The following MCPH1 variants were observed in gnomAD, a reference collection of about 807,000 sequenced individuals.
The protein encoded by MCPH1 is microcephalin 1.
MCPH1 carries 104 observed loss-of-function variants against 84.5 expected under a neutral mutation model. The observed-to-expected ratio is 1.23, with a 90% CI of 1.05 to 1.45. MCPH1 has a LOEUF of 1.45. Ranked by LOEUF, MCPH1 falls within the 40% of genes most tolerant of loss-of-function variation. The pLI, the probability that MCPH1 is intolerant of heterozygous loss-of-function variation, is 0.00. For synonymous variants in MCPH1, 514 were observed against 366.8 expected (o/e 1.40, Z -4.58); for missense variants, 1,498 against 1,005.7 (o/e 1.49, Z -6.62).
intron 12 of MCPH1, among the ~76,000 whole-genome samples, chr8:6,516,940 G>T (rs760621700): frequency 2.0e-5 from 3 of 152,056 alleles, no homozygotes; most frequent in Admixed American, 2.0e-4. Context: ...ATGAGTATTC[G>T]CTTTGATTCC....
chr8:6,414,759 C>T lies in MCPH1; in HGVS notation c.115-6C>T, dbSNP rs368712550. On this transcript the variant is annotated splice_region_variant and splice_polypyrimidine_tract_variant and intron_variant, in intron 2 of 13. Transcript: ENST00000344683. ...GTACATTTTGTTTTCTGCATTTTGT[C>T]TACAGGTTTCAAAAACTTTTAACAA... 1.2e-6 allele frequency: 2 copies of T among 1,613,236 alleles called. No homozygotes were observed. Among genetic ancestry groups the T allele is most frequent in the East Asian group, 4.5e-5 (2 of 44,840 alleles).
rs1239443388 is a variant in MCPH1, at chr8:6,505,585, TTTTG to T, written c.2214+5658_2214+5661del. 2.9e-3 allele frequency among the ~76,000 whole-genome samples: 355 copies of T among 120,780 alleles called. 3 individuals are homozygous for T. Among genetic ancestry groups the T allele is most frequent in the African/African-American group, 0.01 (323 of 32,282 alleles). 79.2% of individuals were successfully genotyped at this position (120,780 alleles called of 152,430 possible). A position where few individuals can be genotyped will look rare whatever the true frequency, so the allele number is the denominator to read the frequency against. The stretch of plus-strand genomic sequence containing the variant: ...TATGTATATATAGAATGTATATTCT[TTTTG>T]TATATATGGAATATATATATTCTTT... On this transcript the variant is annotated intron_variant, in intron 12 of 13. Coordinates refer to ENST00000344683, the MANE Select transcript of MCPH1 (RefSeq NM_024596.5).
intron 12 of MCPH1, among the ~76,000 whole-genome samples, chr8:6,511,016 A>T (rs1260814709): frequency 6.6e-6 from 1 of 152,226 alleles, no homozygotes; most frequent in Non-Finnish European, 1.5e-5. Flanking sequence ...TCTTCCCATT[A>T]ATCATAGACA....
intron 11 of MCPH1, among the ~76,000 whole-genome samples, chr8:6,489,951 A>G (rs908431057): frequency 6.6e-6 from 1 of 152,234 alleles, no homozygotes; most frequent in African/African-American, 2.4e-5. Context: ...TCGAGAGGGT[A>G]CTTGTTGCCA....
At chr8:6,641,702 C>T (rs1456627061) in intron 13 of MCPH1, among the ~76,000 whole-genome samples, 1 of 152,098 alleles carries the variant, frequency 6.6e-6, no homozygotes, top group Non-Finnish European at 1.5e-5. Flanking sequence ...CATGTTTGCA[C>T]CAATGCAGTC....
chr8:6,591,335 G>A (rs1252979181), intron 12 of MCPH1, among the ~76,000 whole-genome samples: 2 of 152,188 alleles, frequency 1.3e-5, no homozygotes, highest in Non-Finnish European at 2.9e-5. Context: ...TTGAACTCTA[G>A]GGCTAGTGTT....
At chr8:6,414,357 T>C (rs954073671) in intron 2 of MCPH1, among the ~76,000 whole-genome samples, 2 of 152,258 alleles carry the variant, frequency 1.3e-5, no homozygotes, top group African/African-American at 4.8e-5. Context: ...TGGTTAAATA[T>C]GTGTTCTGTT....
intron 3 of MCPH1, among the ~76,000 whole-genome samples, chr8:6,417,520 C>G (rs1265538936): frequency 6.6e-6 from 1 of 151,622 alleles, no homozygotes; most frequent in Non-Finnish European, 1.5e-5. Context: ...ATTGTTCAGT[C>G]TTTTTTTTTC....
In MCPH1 at chr8:6,643,525, G is replaced by A. The variant is rs1798065730; in HGVS notation, c.*476G>A. 5.4e-6 allele frequency: 1 copy of A among 185,474 alleles called. No homozygotes were observed. The highest frequency in any genetic ancestry group is 5.4e-5 in the Admixed American group (1 of 18,652). The allele number at this position is 185,474 out of a possible 1,614,324, so 11.5% of individuals were successfully genotyped here. A position where few individuals can be genotyped will look rare whatever the true frequency, so the allele number is the denominator to read the frequency against. ...GGTGATCTGTCAGGCCTCTTCTATA[G>A]AATTCCAGTCTTTGTGTCTTAGTCA... On this transcript the variant is annotated 3_prime_UTR_variant, in exon 14 of 14. Coordinates refer to ENST00000344683, the MANE Select transcript of MCPH1 (RefSeq NM_024596.5).
intron 12 of MCPH1, among the ~76,000 whole-genome samples, chr8:6,552,551 G>A (rs562687340): frequency 6.6e-6 from 1 of 152,298 alleles, no homozygotes; most frequent in East Asian, 1.9e-4. Flanking sequence ...TTTAACTAAT[G>A]TGAGATATAG....
chr8:6,573,760 C>G (rs1187703948), intron 12 of MCPH1, among the ~76,000 whole-genome samples: 1 of 152,212 alleles, frequency 6.6e-6, no homozygotes, highest in Non-Finnish European at 1.5e-5. Context: ...CCACCCCACT[C>G]TCCAGAGCAG....
intron 13 of MCPH1, among the ~76,000 whole-genome samples, chr8:6,634,590 C>T (rs946958981): frequency 2.0e-5 from 3 of 152,214 alleles, no homozygotes. Flanking sequence ...GAGTAAATTT[C>T]TTACCAGTCC....
At chr8:6,416,447 G>C (rs1268698646) in intron 3 of MCPH1, among the ~76,000 whole-genome samples, 1 of 152,172 alleles carries the variant, frequency 6.6e-6, no homozygotes, top group East Asian at 1.9e-4. Flanking sequence ...ACTGTGGTTT[G>C]TGTAAATGTC....
chr8:6,544,757 T>C (rs1444741157), intron 12 of MCPH1, among the ~76,000 whole-genome samples: 1 of 152,196 alleles, frequency 6.6e-6, no homozygotes, highest in Non-Finnish European at 1.5e-5. Context: ...CATTTAGAGT[T>C]ACACTTTGCC....
In MCPH1 at chr8:6,647,352, G is replaced by A. The variant is rs1563237231; in HGVS notation, c.*4303G>A. ...GAGTGCAAAATGATACAGCCACTTT[G>A]AAACACCATTTGGCAGTTGCTTAAA... On this transcript the variant is annotated 3_prime_UTR_variant, in exon 14 of 14. Coordinates refer to ENST00000344683, the MANE Select transcript of MCPH1 (RefSeq NM_024596.5). The A allele has an allele frequency of 1.3e-5, 2 of 152,182 alleles. No individual in the cohort carries two copies. Among genetic ancestry groups the A allele is most frequent in the African/African-American group, 4.8e-5 (2 of 41,440 alleles). 9.4% of individuals were successfully genotyped at this position (152,182 alleles called of 1,614,324 possible). A position where few individuals can be genotyped will look rare whatever the true frequency, so the allele number is the denominator to read the frequency against.
intron 12 of MCPH1, chr8:6,619,023 A>G (rs1377328375): frequency 6.6e-6 from 1 of 152,224 alleles, no homozygotes; most frequent in Non-Finnish European, 1.5e-5. Context: ...CTCCCCCAGA[A>G]TCCCACCAGC....
At chr8:6,460,092 G>A (rs1051684291) in intron 9 of MCPH1, among the ~76,000 whole-genome samples, 2 of 151,968 alleles carry the variant, frequency 1.3e-5, no homozygotes, top group Admixed American at 1.3e-4. Context: ...AGGCCGTCCT[G>A]TCTTTGATCT....
intron 9 of MCPH1, among the ~76,000 whole-genome samples, chr8:6,465,796 CAG>C (rs1250399804): frequency 6.6e-6 from 1 of 152,148 alleles, no homozygotes; most frequent in Non-Finnish European, 1.5e-5. Context: ...GGTAGACACA[CAG>C]AAATGCACAG....
At chr8:6,532,349 T>A in intron 12 of MCPH1, 1 of 1,614,166 alleles carries the variant, frequency 6.2e-7, no homozygotes, top group East Asian at 2.2e-5. Flanking sequence ...TCCACATCAG[T>A]TAACTTCCGC....
Sources: gnomAD v4.1 joint callset for allele counts (sites outside exome capture counted in the v4.1 genomes callset) on GRCh38, gnomAD v4.1.1 for gene constraint, MANE v1.5 for transcripts, NCBI Gene and HGNC (gene_info 2026-07-23, HGNC 2026-07-21) for gene names.